Variants in ANKS1A observed in about 807,000 individuals in gnomAD.
The protein encoded by ANKS1A is ankyrin repeat and sterile alpha motif domain containing 1A.
A neutral mutation model predicts 120.3 loss-of-function variants in ANKS1A; 55 were observed. The observed-to-expected ratio is 0.46, with a 90% CI of 0.37 to 0.57. The LOEUF is 0.57. Ranked by LOEUF, ANKS1A falls within the 20% of genes least tolerant of loss-of-function variation. ANKS1A has a pLI of 0.00. For missense variants in ANKS1A, 1,123 were observed against 1,480.3 expected (o/e 0.76, Z 3.96); for synonymous variants, 590 against 604.7 (o/e 0.98, Z 0.36).
chr6:35,023,833 A>G (rs553137667), intron 11 of ANKS1A: 3 of 221,396 alleles, frequency 1.4e-5, no homozygotes, highest in East Asian at 2.3e-4. Context: ...ACAGAAATAA[A>G]TCACTATTGA....
At chr6:35,068,884 C>T (rs1040501242) in intron 13 of ANKS1A, among the ~76,000 whole-genome samples, 10 of 152,030 alleles carry the variant, frequency 6.6e-5, no homozygotes, top group African/African-American at 2.4e-4. Flanking sequence ...GGCTGCCGGC[C>T]GAGTGTAAAG....
intron 1 of ANKS1A, among the ~76,000 whole-genome samples, chr6:34,953,412 G>A (rs1171965772): frequency 6.6e-6 from 1 of 152,170 alleles, no homozygotes; most frequent in Non-Finnish European, 1.5e-5. Flanking sequence ...GGGGGTCTGG[G>A]AAAGAGGCAG....
At chr6:34,900,076 C>A (rs1767273171) in intron 1 of ANKS1A, among the ~76,000 whole-genome samples, 1 of 152,214 alleles carries the variant, frequency 6.6e-6, no homozygotes, top group African/African-American at 2.4e-5. Context: ...GCTTTACATA[C>A]ATGTATTTGC....
chr6:34,990,029 A>G (rs1053765532), intron 9 of ANKS1A, among the ~76,000 whole-genome samples: 5 of 152,238 alleles, frequency 3.3e-5, no homozygotes, highest in African/African-American at 4.8e-5. Context: ...ACATAATTTT[A>G]TTAGTCATTT....
intron 11 of ANKS1A, among the ~76,000 whole-genome samples, chr6:35,035,651 TG>T (rs1486466207): frequency 6.6e-6 from 1 of 152,230 alleles, no homozygotes; most frequent in Non-Finnish European, 1.5e-5. Flanking sequence ...ACCTCAAGGC[TG>T]GCTGCAAACT....
chr6:35,010,666 C>A (rs979362389), intron 10 of ANKS1A, among the ~76,000 whole-genome samples: 1 of 152,042 alleles, frequency 6.6e-6, no homozygotes, highest in Non-Finnish European at 1.5e-5. Context: ...ATCCATTGAT[C>A]TAGAAAGAGC....
Position 34,914,399 on chromosome 6 carries a change from A to G in ANKS1A, c.197+24800A>G, listed in dbSNP as rs1346580756. 2.0e-5 allele frequency among the ~76,000 whole-genome samples: 3 copies of G among 152,350 alleles called. No individual in the cohort carries two copies. In the East Asian group the frequency reaches 5.8e-4, roughly 29 times the overall value. ...TAATTAAGGACTCATTGTTTGCCCA[A>G]TAAAAATAATCGTCACTTCGTAAAT... is the stretch of plus-strand genomic sequence containing the variant. On this transcript the variant is annotated intron_variant, in intron 1 of 23. Coordinates refer to ENST00000360359, the MANE Select transcript of ANKS1A (RefSeq NM_015245.3).
intron 10 of ANKS1A, among the ~76,000 whole-genome samples, chr6:35,008,362 A>G (rs1395239507): frequency 6.6e-6 from 1 of 152,086 alleles, no homozygotes; most frequent in Non-Finnish European, 1.5e-5. Flanking sequence ...GACTAAAGGC[A>G]TGTGCCACCA....
chr6:35,006,750 G>A (rs778815818), intron 10 of ANKS1A, among the ~76,000 whole-genome samples: 48 of 152,100 alleles, frequency 3.2e-4, no homozygotes, highest in Non-Finnish European at 5.0e-4. Flanking sequence ...GCGAGACTCC[G>A]TCTCAAAAAA....
At chr6:34,965,242 C>CT (rs902932908) in intron 1 of ANKS1A, among the ~76,000 whole-genome samples, 2 of 152,074 alleles carry the variant, frequency 1.3e-5, no homozygotes, top group Admixed American at 6.6e-5. Context: ...ACATTATAAT[C>CT]TTTTTTTGTC....
intron 12 of ANKS1A, among the ~76,000 whole-genome samples, chr6:35,055,353 G>T (rs2762345): frequency 6.6e-6 from 1 of 150,976 alleles, no homozygotes; most frequent in Admixed American, 6.6e-5. Context: ...TTTTTGAGAC[G>T]GAGTCTCACT....
intron 9 of ANKS1A, among the ~76,000 whole-genome samples, chr6:34,990,182 A>C (rs1249487052): frequency 6.6e-6 from 1 of 152,202 alleles, no homozygotes; most frequent in Non-Finnish European, 1.5e-5. Context: ...TCTTTTATTC[A>C]GTATAAACAC....
At chr6:34,977,983 G>A (rs1179565899) in intron 3 of ANKS1A, among the ~76,000 whole-genome samples, 2 of 151,722 alleles carry the variant, frequency 1.3e-5, no homozygotes, top group Non-Finnish European at 2.9e-5. Flanking sequence ...TTTTGAGATG[G>A]AGTCTCACTC....
At chr6:35,033,511 G>A (rs1351582934) in intron 11 of ANKS1A, among the ~76,000 whole-genome samples, 1 of 152,198 alleles carries the variant, frequency 6.6e-6, no homozygotes, top group African/African-American at 2.4e-5. Flanking sequence ...TCTTTGATGA[G>A]TCTCTCCTGT....
intron 10 of ANKS1A, among the ~76,000 whole-genome samples, chr6:35,016,257 C>A (rs1773999489): frequency 6.6e-6 from 1 of 152,158 alleles, no homozygotes. Context: ...ACTAAGACTC[C>A]TCATCTGTAA....
chr6:34,947,142 C>CTTTTTTT (rs71002514), intron 1 of ANKS1A, among the ~76,000 whole-genome samples: 2 of 101,982 alleles, frequency 2.0e-5, no homozygotes, highest in Non-Finnish European at 1.9e-5. Context: ...ATAGTAGACT[C>CTTTTTTT]TTTTTTTTTT....
intron 11 of ANKS1A, among the ~76,000 whole-genome samples, chr6:35,040,812 TG>T (rs1414939313): frequency 6.6e-6 from 1 of 152,222 alleles, no homozygotes; most frequent in Non-Finnish European, 1.5e-5. Context: ...AGGGACTCTT[TG>T]GGGTCCCAGT....
chr6:35,036,371 A>G (rs1775170698), intron 11 of ANKS1A, among the ~76,000 whole-genome samples: 1 of 152,226 alleles, frequency 6.6e-6, no homozygotes, highest in South Asian at 2.1e-4. Context: ...TTTTCATTGT[A>G]AAACATCAGA....
chr6:34,988,720 G>C (rs1772348123), intron 8 of ANKS1A, among the ~76,000 whole-genome samples: 1 of 152,214 alleles, frequency 6.6e-6, no homozygotes, highest in Non-Finnish European at 1.5e-5. Context: ...GAGTAGACCA[G>C]TATCAGAGCG....
Sources: allele counts gnomAD v4.1 joint callset (sites outside exome capture counted in the v4.1 genomes callset), GRCh38; gene constraint gnomAD v4.1.1; transcripts MANE v1.5; gene names NCBI Gene and HGNC (gene_info 2026-07-23, HGNC 2026-07-21).